The following MCF2L2 variants were observed in gnomAD, a reference collection of about 807,000 sequenced individuals.
MCF2L2 encodes MCF.2 cell line derived transforming sequence-like 2.
Under a neutral mutation model 150.2 loss-of-function variants are expected in MCF2L2, and 102 were observed. The observed-to-expected ratio is 0.68, with a 90% CI of 0.58 to 0.80. The LOEUF (loss-of-function observed/expected upper bound fraction) is 0.80, where lower values mean the gene tolerates loss of function less well. MCF2L2 is among the 30% of genes least tolerant of loss of function. The pLI is 0.00. For missense variants in MCF2L2, 1,256 were observed against 1,372.8 expected (o/e 0.91, Z 1.34); for synonymous variants, 465 against 491.3 (o/e 0.95, Z 0.71).
intron 1 of MCF2L2, among the ~76,000 whole-genome samples, chr3:183,417,051 G>A (rs1428736375): frequency 5.9e-5 from 8 of 136,126 alleles, no homozygotes; most frequent in African/African-American, 1.7e-4. Context: ...GTCAAAGGTT[G>A]CAGTGAGCCA....
chr3:183,284,703 A>C (rs1271006588), intron 14 of MCF2L2, among the ~76,000 whole-genome samples: 2 of 130,542 alleles, frequency 1.5e-5, no homozygotes, highest in African/African-American at 6.7e-5. Flanking sequence ...CTCTGTCTCC[A>C]AAAAAAAAAA....
chr3:183,405,123 T>C (rs1714976460), intron 1 of MCF2L2, among the ~76,000 whole-genome samples: 3 of 152,326 alleles, frequency 2.0e-5, no homozygotes, highest in African/African-American at 7.2e-5. Flanking sequence ...ATCTGTAATA[T>C]GTATTATACA....
chr3:183,404,056 CAAA>C (rs1163347208), intron 1 of MCF2L2, among the ~76,000 whole-genome samples: 1 of 150,370 alleles, frequency 6.7e-6, no homozygotes, highest in Non-Finnish European at 1.5e-5. Context: ...TAAAAGACAT[CAAA>C]AACAAAATTA....
Position 183,379,272 on chromosome 3 carries a change from C to T in MCF2L2, c.275+25G>A, listed in dbSNP as rs767740357. ...TGTGGAATAAAGCCAGTGCCTAAGG[C>T]GGCAGGACACTGTGCTCAGCTCACC... On this transcript the variant is annotated intron_variant, in intron 3 of 29. Transcript: ENST00000328913. 2.3e-5 allele frequency: 36 copies of T among 1,545,358 alleles called. No homozygotes were observed. The East Asian group carries it at 7.5e-4, about 32-fold the overall frequency.
Position 183,199,628 on chromosome 3 carries a change from T to C in MCF2L2, c.2885-4373A>G, listed in dbSNP as rs956231884. Among the ~76,000 whole-genome samples the C allele has an allele frequency of 8.0e-4, 121 of 152,174 alleles. 1 individual carries two copies. The highest frequency in any genetic ancestry group is 2.7e-3 in the African/African-American group (111 of 41,522). On this transcript the variant is annotated intron_variant, in intron 25 of 29. Transcript: ENST00000328913. ...TATCGAAATTTTTTTTTCCTTTTTT[T>C]TTTTTTTATTATACTTTAAGTTCTA...
chr3:183,285,657 T>G (rs927061956), intron 14 of MCF2L2, among the ~76,000 whole-genome samples: 1 of 152,178 alleles, frequency 6.6e-6, no homozygotes, highest in Non-Finnish European at 1.5e-5. Context: ...AAACTTTTAT[T>G]TATTTATTTT....
intron 1 of MCF2L2, among the ~76,000 whole-genome samples, chr3:183,417,308 T>G (rs754687223): frequency 3.3e-5 from 5 of 152,052 alleles, no homozygotes; most frequent in Non-Finnish European, 5.9e-5. Flanking sequence ...ATGCATTCAG[T>G]AGAAACTGTA....
intron 5 of MCF2L2, among the ~76,000 whole-genome samples, chr3:183,335,605 C>T (rs1162846343): frequency 6.6e-6 from 1 of 151,944 alleles, no homozygotes; most frequent in Non-Finnish European, 1.5e-5. Context: ...TAGTGGCTCA[C>T]ACCTATAATC....
intron 1 of MCF2L2, among the ~76,000 whole-genome samples, chr3:183,411,364 C>T (rs1715306820): frequency 6.6e-6 from 1 of 152,156 alleles, no homozygotes; most frequent in Non-Finnish European, 1.5e-5. Context: ...GCAGAAAGAG[C>T]ACTTACACTC....
intron 16 of MCF2L2, 111 bp downstream of exon 16, chr3:183,230,840 A>G: frequency 1.3e-6 from 1 of 744,468 alleles, no homozygotes; most frequent in Non-Finnish European, 2.3e-6. Context: ...AAGACCTGAA[A>G]CCTTGGTGGG....
chr3:183,249,730 T>A (rs1199931246), intron 15 of MCF2L2, among the ~76,000 whole-genome samples: 1 of 152,172 alleles, frequency 6.6e-6, no homozygotes, highest in Admixed American at 6.5e-5. Context: ...AGCTAGTGTG[T>A]CTCCAGCGTC....
intron 3 of MCF2L2, among the ~76,000 whole-genome samples, chr3:183,351,230 ATATATATTTATT>A (rs1731124081): frequency 1.3e-5 from 1 of 79,302 alleles, no homozygotes; most frequent in Admixed American, 1.3e-4. Flanking sequence ...ATATATATAT[ATATATATTTATT>A]TATTTATTTA....
chr3:183,398,446 T>C (rs563809932), intron 1 of MCF2L2, among the ~76,000 whole-genome samples: 8 of 152,170 alleles, frequency 5.3e-5, no homozygotes, highest in Middle Eastern at 3.4e-3. Context: ...TATTAATCCA[T>C]TGAAATTTGG....
At chr3:183,423,598 G>T (rs1577145373) in intron 1 of MCF2L2, among the ~76,000 whole-genome samples, 1 of 148,240 alleles carries the variant, frequency 6.7e-6, no homozygotes, top group African/African-American at 2.5e-5. Flanking sequence ...TCTATGGGGA[G>T]TTACTGACGT....
intron 15 of MCF2L2, chr3:183,269,928 A>C (rs1444888836): frequency 6.2e-7 from 1 of 1,614,028 alleles, no homozygotes; most frequent in Non-Finnish European, 8.5e-7. Flanking sequence ...GAGCCATATG[A>C]AGTCATATTC....
At chr3:183,196,581 C>T (rs1376924005) in intron 25 of MCF2L2, among the ~76,000 whole-genome samples, 1 of 152,140 alleles carries the variant, frequency 6.6e-6, no homozygotes, top group Non-Finnish European at 1.5e-5. Context: ...CTGGTTCCCG[C>T]TCACTCACCA....
intron 15 of MCF2L2, among the ~76,000 whole-genome samples, chr3:183,266,292 C>T (rs1455879873): frequency 2.0e-5 from 3 of 152,198 alleles, no homozygotes; most frequent in Admixed American, 6.5e-5. Flanking sequence ...TGGAGCTTGC[C>T]GGGCACAGCT....
At chr3:183,340,047 G>A (rs1577074889) in intron 4 of MCF2L2, among the ~76,000 whole-genome samples, 1 of 152,156 alleles carries the variant, frequency 6.6e-6, no homozygotes, top group East Asian at 1.9e-4. Context: ...ATCAATCATG[G>A]CTGCAGTTAT....
chr3:183,377,785 G>A (rs541025043), intron 3 of MCF2L2: 1 of 152,320 alleles, frequency 6.6e-6, no homozygotes, highest in East Asian at 1.9e-4. Context: ...CCTAGAAGAG[G>A]GGCAGAGGTG....
Sources: gnomAD v4.1 joint callset for allele counts (sites outside exome capture counted in the v4.1 genomes callset) on GRCh38, gnomAD v4.1.1 for gene constraint, MANE v1.5 for transcripts, NCBI Gene and HGNC (gene_info 2026-07-23, HGNC 2026-07-21) for gene names.